SOX6: variants seen among roughly 807,000 people sequenced by gnomAD.
SOX6 encodes SRY-box transcription factor 6.
In SOX6, 11 loss-of-function variants were observed where a neutral mutation model predicts 97.8. The observed-to-expected ratio is 0.11, with a 90% CI of 0.07 to 0.19. The LOEUF is 0.19. SOX6 is among the 10% of genes least tolerant of loss of function. SOX6 has a pLI of 1.00. For missense variants in SOX6, 810 were observed against 1,039.5 expected, an observed-to-expected ratio of 0.78 and a Z score of 3.04; for synonymous variants, 360 against 371.4, an observed-to-expected ratio of 0.97 and a Z score of 0.35.
intron 4 of SOX6, among the ~76,000 whole-genome samples, chr11:16,218,143 A>G (rs1000563171): frequency 6.6e-6 from 1 of 152,112 alleles, no homozygotes; most frequent in Non-Finnish European, 1.5e-5. Context: ...ATAAGCACAG[A>G]CTGGATTTTA....
At chr11:16,143,925 C>A (rs1589970198) in intron 6 of SOX6, among the ~76,000 whole-genome samples, 1 of 152,144 alleles carries the variant, frequency 6.6e-6, no homozygotes, top group Non-Finnish European at 1.5e-5. Context: ...ACCCCACTGT[C>A]AACATTAGAC....
chr11:16,102,821 C>A (rs1848982225), intron 7 of SOX6, among the ~76,000 whole-genome samples: 1 of 151,704 alleles, frequency 6.6e-6, no homozygotes, highest in Non-Finnish European at 1.5e-5. Flanking sequence ...ATTGGCAAGC[C>A]ACACGTAGAA....
At position 16,527,291 on chromosome 11, in the gene SOX6, A is replaced by T. The variant is rs545183371; in HGVS notation, n.610-50903T>A. Among the ~76,000 whole-genome samples, 3 of 152,226 alleles carry T rather than the reference A, an allele frequency of 2.0e-5. No individual in the cohort carries two copies. In the South Asian group the frequency reaches 6.2e-4, roughly 32 times the overall value. ...ATTGCATTTCCACTTTCTAATATTT[A>T]ACTATTTCTTTACTCTTTTTTGTTG... is the stretch of plus-strand genomic sequence containing the variant. On this transcript the variant is annotated intron_variant and non_coding_transcript_variant, in intron 4 of 5. Transcript: ENST00000524520.
intron 3 of SOX6, among the ~76,000 whole-genome samples, chr11:16,690,854 T>C (rs1280442314): frequency 6.6e-6 from 1 of 152,224 alleles, no homozygotes; most frequent in African/African-American, 2.4e-5. Flanking sequence ...TAGTAACACG[T>C]TGATTATTGT....
intron 4 of SOX6, among the ~76,000 whole-genome samples, chr11:16,503,773 G>A (rs535177799): frequency 6.0e-4 from 91 of 152,196 alleles, no homozygotes; most frequent in Non-Finnish European, 9.1e-4. Context: ...GGTTGGGCAC[G>A]GTGGCTCACC....
chr11:16,502,193 T>C (rs143117812), intron 4 of SOX6, among the ~76,000 whole-genome samples: 3,020 of 152,242 alleles, frequency 0.02, 76 homozygotes, highest in African/African-American at 0.06. Context: ...ACCATCATTC[T>C]CAGCAAACTA....
rs755540755 is a variant in SOX6 at position 16,341,283 on chromosome 11, T to A, written c.-4-31A>T. ...GAAAAAAAACAGAACGGATTAAAAATGGCTGTCAATAACAAACCATAAACC... is the reference window on the plus strand; with the variant it reads ...GAAAAAAAACAGAACGGATTAAAAAAGGCTGTCAATAACAAACCATAAACC... On this transcript the variant is annotated intron_variant, in intron 1 of 15. Coordinates refer to ENST00000683767, the MANE Select transcript of SOX6 (RefSeq NM_001367873.1). The A allele has an allele frequency of 5.0e-6, 8 of 1,610,258 alleles. No individual in the cohort carries two copies. In the South Asian group the frequency reaches 8.8e-5, roughly 18 times the overall value.
chr11:16,276,738 T>C (rs1854413306), intron 3 of SOX6, among the ~76,000 whole-genome samples: 1 of 152,192 alleles, frequency 6.6e-6, no homozygotes, highest in African/African-American at 2.4e-5. Flanking sequence ...GACTTCCTGC[T>C]ATGTGAAAAA....
chr11:16,272,305 A>AG (rs1565061982), intron 3 of SOX6, among the ~76,000 whole-genome samples: 1 of 151,652 alleles, frequency 6.6e-6, no homozygotes, highest in African/African-American at 2.4e-5. Context: ...AACCAAAAAA[A>AG]GGGGGGAAGA....
intron 13 of SOX6, among the ~76,000 whole-genome samples, chr11:16,008,979 G>A (rs915503221): frequency 6.6e-6 from 1 of 152,048 alleles, no homozygotes; most frequent in African/African-American, 2.4e-5. Flanking sequence ...GTTCCACAGA[G>A]ATGCTATTGC....
intron 3 of SOX6, among the ~76,000 whole-genome samples, chr11:16,290,487 A>T (rs1403046587): frequency 6.6e-6 from 1 of 152,118 alleles, no homozygotes; most frequent in African/African-American, 2.4e-5. Context: ...TAAATGACAG[A>T]GTGTTCAACC....
chr11:16,444,470 T>C (rs1190954961), intron 1 of SOX6, among the ~76,000 whole-genome samples: 1 of 152,212 alleles, frequency 6.6e-6, no homozygotes, highest in Non-Finnish European at 1.5e-5. Context: ...TGTTTCTCAC[T>C]AATTTAGCCC....
chr11:16,586,775 TA>T (rs1208801611), intron 4 of SOX6, among the ~76,000 whole-genome samples: 1 of 152,114 alleles, frequency 6.6e-6, no homozygotes, highest in African/African-American at 2.4e-5. Flanking sequence ...ATGAATTACC[TA>T]ACTGGTCCAA....
intron 3 of SOX6, among the ~76,000 whole-genome samples, chr11:16,712,737 T>C (rs1848191129): frequency 1.3e-5 from 2 of 152,238 alleles, no homozygotes; most frequent in African/African-American, 4.8e-5. Context: ...GTCCCTTGTT[T>C]GTTCCTTATG....
intron 3 of SOX6, among the ~76,000 whole-genome samples, chr11:16,235,978 A>C (rs956548032): frequency 1.3e-5 from 2 of 152,128 alleles, no homozygotes; most frequent in African/African-American, 4.8e-5. Context: ...CGGCTGATGA[A>C]GAACAACCAT....
At chr11:16,271,252 T>C (rs1854252238) in intron 3 of SOX6, among the ~76,000 whole-genome samples, 1 of 151,428 alleles carries the variant, frequency 6.6e-6, no homozygotes, top group South Asian at 2.1e-4. Context: ...CTATTATTAA[T>C]GTGGTATTTG....
chr11:16,418,103 G>C (rs901894833), intron 1 of SOX6, among the ~76,000 whole-genome samples: 1 of 152,072 alleles, frequency 6.6e-6, no homozygotes, highest in Non-Finnish European at 1.5e-5. Context: ...TATAATCACA[G>C]ACATTTAAAA....
chr11:16,232,837 G>C (rs936388269), intron 4 of SOX6, among the ~76,000 whole-genome samples: 2 of 152,122 alleles, frequency 1.3e-5, no homozygotes, highest in Non-Finnish European at 2.9e-5. Flanking sequence ...CAGCTGGATA[G>C]AGAATATGTC....
At position 16,436,742 on chromosome 11, in the gene SOX6, T is replaced by A. The variant is rs144318605; in HGVS notation, c.-5+39573A>T. On this transcript the variant is annotated intron_variant, in intron 1 of 15. Coordinates refer to the SOX6 transcript ENST00000396356. ...GAGAAAATAGATTCTGAGCAGTGAA[T>A]AATTGTGCCTCTTGCATAAGAATTT... 2.0e-5 allele frequency among the ~76,000 whole-genome samples: 3 copies of A among 152,308 alleles called. No individual in the cohort carries two copies. The East Asian group carries it at 5.8e-4, about 29-fold the overall frequency.
Sources: gnomAD v4.1 joint callset for allele counts (sites outside exome capture counted in the v4.1 genomes callset) on GRCh38, gnomAD v4.1.1 for gene constraint, MANE v1.5 for transcripts, NCBI Gene and HGNC (gene_info 2026-07-23, HGNC 2026-07-21) for gene names.